Variants in IKZF2 observed in about 807,000 individuals in gnomAD.
The protein encoded by IKZF2 is IKAROS family zinc finger 2, also known as zinc finger protein Helios.
In IKZF2, 15 loss-of-function variants were observed where a neutral mutation model predicts 49.2. The observed-to-expected ratio is 0.30, with a 90% CI of 0.20 to 0.47. The LOEUF (loss-of-function observed/expected upper bound fraction) is 0.47, where lower values mean the gene tolerates loss of function less well. Among genes scored for constraint, IKZF2 ranks in the 20% least tolerant of loss-of-function variants. The probability of loss-of-function intolerance (pLI) is 1.00; values close to 1 mark genes in which losing one functional copy is unlikely to be tolerated. For missense variants in IKZF2, 567 were observed against 664.6 expected (o/e 0.85, Z 1.61); for synonymous variants, 227 against 221.4 (o/e 1.03, Z -0.23).
chr2:213,036,846 T>C (rs1454590641), intron 6 of IKZF2, among the ~76,000 whole-genome samples: 16 of 152,194 alleles, frequency 1.1e-4, no homozygotes, highest in East Asian at 1.9e-4. Context: ...AGGCTGTGGA[T>C]GAACAGGTTT....
At chr2:213,025,608 C>T (rs1445028813) in intron 6 of IKZF2, among the ~76,000 whole-genome samples, 3 of 152,084 alleles carry the variant, frequency 2.0e-5, no homozygotes, top group East Asian at 1.9e-4. Flanking sequence ...AGTTATTAAA[C>T]ACAGGAGACA....
In IKZF2 at chr2:213,056,837, G is replaced by A; in HGVS notation, c.402C>T (p.His134=). 6.2e-7 allele frequency: 1 copy of A among 1,613,706 alleles called. No individual in the cohort carries two copies. Among genetic ancestry groups the A allele is most frequent in the Non-Finnish European group, 8.5e-7 (1 of 1,179,824 alleles). ...GTTATTCTTTCAGCTGCTTACCAGT[G>A]TGACTCCTTTTATGTACCATAAGCA... ...PNVLMVHKRS[H]TGERPFHCNQ... The change falls in exon 5 of 9, where the codon CAC becomes CAT. Residue 134 remains histidine, a synonymous_variant. Transcript: ENST00000434687.
chr2:213,059,640 A>C (rs2125403593), intron 4 of IKZF2, among the ~76,000 whole-genome samples: 1 of 151,752 alleles, frequency 6.6e-6, no homozygotes, highest in South Asian at 2.1e-4. Context: ...GGAATGAAGA[A>C]ATACATAACT....
intron 4 of IKZF2, among the ~76,000 whole-genome samples, chr2:213,083,056 A>C (rs1375602987): frequency 6.6e-6 from 1 of 152,218 alleles, no homozygotes; most frequent in Non-Finnish European, 1.5e-5. Flanking sequence ...ATGACTTTTT[A>C]AACCTTCAGT....
chr2:213,119,899 T>G (rs1236505635), intron 4 of IKZF2, among the ~76,000 whole-genome samples: 1 of 152,248 alleles, frequency 6.6e-6, no homozygotes, highest in East Asian at 1.9e-4. Flanking sequence ...GCAGTCTCAC[T>G]TATTCGACTT....
chr2:213,032,820 T>C (rs116501341), intron 6 of IKZF2, among the ~76,000 whole-genome samples: 71 of 152,348 alleles, frequency 4.7e-4, no homozygotes, highest in African/African-American at 1.5e-3. Context: ...TGGCTACTGA[T>C]TGATAAGGCT....
chr2:213,101,991 T>C (rs902812849), intron 4 of IKZF2, among the ~76,000 whole-genome samples: 3 of 152,190 alleles, frequency 2.0e-5, no homozygotes, highest in South Asian at 2.1e-4. Flanking sequence ...TATTCAAAAC[T>C]GGCACTTAGA....
At chr2:213,147,380 G>A (rs1168479295) in intron 4 of IKZF2, 8 of 529,654 alleles carry the variant, frequency 1.5e-5, no homozygotes, top group African/African-American at 5.7e-5. Context: ...TGGAAGTGAC[G>A]TTTCCACATT....
chr2:213,068,237 ACTT>A (rs1702342427), intron 4 of IKZF2, among the ~76,000 whole-genome samples: 1 of 152,120 alleles, frequency 6.6e-6, no homozygotes, highest in South Asian at 2.1e-4. Context: ...ATTTAAAAAT[ACTT>A]CTTTTAGAAT....
chr2:213,038,592 A>G (rs1699283754), intron 6 of IKZF2, among the ~76,000 whole-genome samples: 1 of 152,136 alleles, frequency 6.6e-6, no homozygotes, highest in Non-Finnish European at 1.5e-5. Context: ...TACAAAAAAA[A>G]AAAGTGAAGT....
At chr2:213,009,368 T>C (rs1047510020) in intron 8 of IKZF2, among the ~76,000 whole-genome samples, 33 of 152,148 alleles carry the variant, frequency 2.2e-4, no homozygotes, top group Non-Finnish European at 3.5e-4. Context: ...CCTAAGACAA[T>C]GTGGTCTCTA....
At chr2:213,039,725 T>C (rs966090579) in intron 6 of IKZF2, among the ~76,000 whole-genome samples, 13 of 152,122 alleles carry the variant, frequency 8.5e-5, no homozygotes, top group African/African-American at 2.9e-4. Context: ...TTAAGTGATA[T>C]ACACAAATAA....
At chr2:213,141,895 C>T (rs989597318) in intron 4 of IKZF2, among the ~76,000 whole-genome samples, 2 of 151,958 alleles carry the variant, frequency 1.3e-5, no homozygotes, top group African/African-American at 4.8e-5. Flanking sequence ...ATGTCAAATG[C>T]TTATAATTAA....
At position 213,009,627 on chromosome 2, in the gene IKZF2, C is replaced by T. The variant is rs1327945081; in HGVS notation, c.857-1543G>A. Among the ~76,000 whole-genome samples the T allele has an allele frequency of 3.3e-5, 5 of 152,050 alleles. No homozygotes were observed. The East Asian group carries it at 7.7e-4, about 24-fold the overall frequency. On this transcript the variant is annotated intron_variant, in intron 8 of 8. Transcript: ENST00000434687. ...AACTTAAGATATATGCAATGTCAAACATTTCCAAATTAAGCTAGACAAACC... is the reference window on the plus strand; with the variant it reads ...AACTTAAGATATATGCAATGTCAAATATTTCCAAATTAAGCTAGACAAACC...
chr2:213,097,320 T>G (rs936551331), intron 4 of IKZF2, among the ~76,000 whole-genome samples: 13 of 151,966 alleles, frequency 8.6e-5, no homozygotes, highest in Admixed American at 8.5e-4. Flanking sequence ...GAATTAAACT[T>G]CTATCTCTGC....
At chr2:213,102,154 A>G (rs540974625) in intron 4 of IKZF2, among the ~76,000 whole-genome samples, 2 of 152,266 alleles carry the variant, frequency 1.3e-5, no homozygotes, top group East Asian at 1.9e-4. Flanking sequence ...GTTTTCAATA[A>G]TTCTGTATTT....
At chr2:213,118,278 G>C (rs2125815972) in intron 4 of IKZF2, among the ~76,000 whole-genome samples, 1 of 152,250 alleles carries the variant, frequency 6.6e-6, no homozygotes, top group African/African-American at 2.4e-5. Context: ...TTATCAAAAT[G>C]GTTGAAATTC....
intron 4 of IKZF2, among the ~76,000 whole-genome samples, chr2:213,063,274 C>T (rs1701870306): frequency 6.6e-6 from 1 of 151,864 alleles, no homozygotes; most frequent in African/African-American, 2.4e-5. Context: ...TTTCTTAAAC[C>T]CACTGGAGTT....
chr2:213,045,809 T>C (rs1198691901), intron 6 of IKZF2, among the ~76,000 whole-genome samples: 1 of 152,166 alleles, frequency 6.6e-6, no homozygotes, highest in East Asian at 1.9e-4. Context: ...CTCTAGATTT[T>C]AGAAGCAACA....
Sources: allele counts gnomAD v4.1 joint callset (sites outside exome capture counted in the v4.1 genomes callset), GRCh38; gene constraint gnomAD v4.1.1; transcripts MANE v1.5; gene names NCBI Gene and HGNC (gene_info 2026-07-23, HGNC 2026-07-21).